Variants in DCLK1 observed in about 807,000 individuals in gnomAD.
DCLK1 encodes the protein doublecortin like kinase 1, also known as serine/threonine-protein kinase DCLK1.
In DCLK1, 16 loss-of-function variants were observed where a neutral mutation model predicts 86.2. That is an observed-to-expected ratio of 0.19 (90% CI 0.13 to 0.28). The LOEUF (loss-of-function observed/expected upper bound fraction) is 0.28, where lower values mean the gene tolerates loss of function less well. Ranked by LOEUF, DCLK1 falls within the 10% of genes least tolerant of loss-of-function variation. The pLI, the probability that DCLK1 is intolerant of heterozygous loss-of-function variation, is 1.00. For missense variants in DCLK1, 590 were observed against 940.2 expected (o/e 0.63, Z 4.87); for synonymous variants, 369 against 370.5 (o/e 1.00, Z 0.05).
chr13:35,958,064 T>A (rs1302270684), intron 3 of DCLK1, among the ~76,000 whole-genome samples: 2 of 6,496 alleles, frequency 3.1e-4, no homozygotes, highest in Non-Finnish European at 2.9e-4. Context: ...CTATAACCAC[T>A]AGCACCACCA....
chr13:35,914,329 AAAAATATATATATATATATACATAT>A lies in DCLK1; in HGVS notation c.823+33004_823+33028del, dbSNP rs1474897701. 7.4e-3 allele frequency among the ~76,000 whole-genome samples: 274 copies of A among 37,148 alleles called. 6 individuals carry two copies. The highest frequency in any genetic ancestry group is 0.032 in the African/African-American group (220 of 6,948). 24.4% of individuals were successfully genotyped at this position (37,148 alleles called of 152,430 possible). A position where few individuals can be genotyped will look rare whatever the true frequency, so the allele number is the denominator to read the frequency against. On this transcript the variant is annotated intron_variant, in intron 4 of 16. Transcript: ENST00000360631. ...GGGGAGACCTTATCTCAGAAAAAAA[AAAAATATATATATATATATACATAT>A]ATATATATATATATGTATATATATA...
At chr13:36,023,029 A>G (rs1424866631) in intron 3 of DCLK1, among the ~76,000 whole-genome samples, 2 of 152,208 alleles carry the variant, frequency 1.3e-5, no homozygotes, top group Non-Finnish European at 2.9e-5. Flanking sequence ...GTTGAGCAGC[A>G]TATAAAAAGG....
In DCLK1 at chr13:36,131,373, GGGCGGCGGC is replaced by G. The variant is rs965603869; in HGVS notation, c.-288_-280del. The G allele has an allele frequency of 6.2e-5, 12 of 195,016 alleles. No homozygotes were observed. In the East Asian group the frequency reaches 1.3e-3, roughly 22 times the overall value. The allele number at this position is 195,016 out of a possible 1,614,324, so 12.1% of individuals were successfully genotyped here. A position where few individuals can be genotyped will look rare whatever the true frequency, so the allele number is the denominator to read the frequency against. ...CACTCCAGCCTCTCTCTCCAGAGGA[GGGCGGCGGC>G]GGCGGCGGCGGCGGGCGCGCTCCCT... On this transcript the variant is annotated 5_prime_UTR_variant, in exon 1 of 17. Coordinates refer to ENST00000360631, the MANE Select transcript of DCLK1 (RefSeq NM_001330071.2).
chr13:35,904,414 A>G lies in DCLK1; in HGVS notation c.824-33074T>C, dbSNP rs140706539. 3.4e-3 allele frequency among the ~76,000 whole-genome samples: 511 copies of G among 152,212 alleles called. 2 individuals are homozygous for G. The highest frequency in any genetic ancestry group is 0.012 in the African/African-American group (484 of 41,528). ...ACCGTGTTGGCCAGGCTGGTCTCGAACTCCTCACCACAGGTGATCTGCTCG... is the reference window on the plus strand; with the variant it reads ...ACCGTGTTGGCCAGGCTGGTCTCGAGCTCCTCACCACAGGTGATCTGCTCG... On this transcript the variant is annotated intron_variant, in intron 4 of 16. Transcript: ENST00000360631.
At chr13:36,076,609 G>A (rs1884223367) in intron 3 of DCLK1, among the ~76,000 whole-genome samples, 1 of 152,146 alleles carries the variant, frequency 6.6e-6, no homozygotes, top group African/African-American at 2.4e-5. Flanking sequence ...AATATAGTAA[G>A]ACCCTAGTCC....
chr13:35,947,761 GC>G, intron 3 of DCLK1, among the ~76,000 whole-genome samples: 1 of 152,304 alleles, frequency 6.6e-6, no homozygotes, highest in Admixed American at 6.5e-5. Context: ...GAGGTGCAGT[GC>G]CCCTTTCCTC....
At chr13:36,040,879 G>C (rs545187244) in intron 3 of DCLK1, among the ~76,000 whole-genome samples, 4 of 152,242 alleles carry the variant, frequency 2.6e-5, no homozygotes, top group Non-Finnish European at 5.9e-5. Flanking sequence ...GCCATTGTGA[G>C]CATTTTAAAT....
intron 3 of DCLK1, among the ~76,000 whole-genome samples, chr13:36,092,074 T>C (rs1884845178): frequency 6.6e-6 from 1 of 152,252 alleles, no homozygotes; most frequent in African/African-American, 2.4e-5. Context: ...CAGCACGTGA[T>C]ACTGTTGTCA....
intron 4 of DCLK1, among the ~76,000 whole-genome samples, chr13:35,935,333 C>G (rs1876696763): frequency 1.3e-5 from 2 of 152,060 alleles, no homozygotes; most frequent in African/African-American, 4.8e-5. Flanking sequence ...CGGGTTCAAA[C>G]ATGGTGTGGA....
At chr13:35,798,876 G>C (rs1312552010) in intron 15 of DCLK1, among the ~76,000 whole-genome samples, 1 of 152,096 alleles carries the variant, frequency 6.6e-6, no homozygotes, top group African/African-American at 2.4e-5. Flanking sequence ...GGAATATCTT[G>C]GGAGATTATC....
chr13:35,845,146 G>T lies in DCLK1; in HGVS notation c.1036-5970C>A, dbSNP rs570059831. Among the ~76,000 whole-genome samples the T allele has an allele frequency of 1.9e-4, 29 of 152,242 alleles. No homozygotes were observed. In the South Asian group the frequency reaches 4.8e-3, roughly 25 times the overall value. ...ACCTGTAATTCTAGCTACTCAGGAG[G>T]CTGGGGCACAAGAACCGCTTGAACC... On this transcript the variant is annotated intron_variant, in intron 6 of 16. Coordinates refer to ENST00000360631, the MANE Select transcript of DCLK1 (RefSeq NM_001330071.2).
chr13:35,952,462 C>T (rs77500078), intron 3 of DCLK1, among the ~76,000 whole-genome samples: 184 of 152,244 alleles, frequency 1.2e-3, no homozygotes, highest in South Asian at 4.6e-3. Context: ...AATGATGCTG[C>T]GAAAAGTCAT....
At chr13:36,096,720 C>A (rs1885032914) in intron 3 of DCLK1, among the ~76,000 whole-genome samples, 1 of 152,130 alleles carries the variant, frequency 6.6e-6, no homozygotes, top group Non-Finnish European at 1.5e-5. Context: ...ATGTTAATAT[C>A]ATGTGAAACC....
At chr13:35,884,540 G>A (rs1873113626) in intron 4 of DCLK1, among the ~76,000 whole-genome samples, 2 of 152,118 alleles carry the variant, frequency 1.3e-5, no homozygotes, top group Non-Finnish European at 2.9e-5. Context: ...GGGAACAAAA[G>A]GAACTAACAA....
chr13:36,081,641 G>C (rs768932385), intron 3 of DCLK1, among the ~76,000 whole-genome samples: 21 of 152,074 alleles, frequency 1.4e-4, no homozygotes, highest in Non-Finnish European at 2.5e-4. Flanking sequence ...GAAAGGACTG[G>C]AAACTGTCAT....
chr13:35,887,023 G>A (rs1378103900), intron 4 of DCLK1, among the ~76,000 whole-genome samples: 1 of 152,178 alleles, frequency 6.6e-6, no homozygotes, highest in Non-Finnish European at 1.5e-5. Context: ...AATCCCAACT[G>A]CCCTAAATGT....
intron 3 of DCLK1, among the ~76,000 whole-genome samples, chr13:36,068,791 A>C (rs1370175432): frequency 2.0e-5 from 3 of 152,208 alleles, no homozygotes; most frequent in African/African-American, 7.2e-5. Flanking sequence ...GTTTCAACAC[A>C]GGGCATTTCA....
At chr13:36,100,259 G>C (rs1366685870) in intron 3 of DCLK1, among the ~76,000 whole-genome samples, 1 of 146,664 alleles carries the variant, frequency 6.8e-6, no homozygotes, top group East Asian at 2.0e-4. Flanking sequence ...GACACCTGCA[G>C]TCCCAGCTAC....
At chr13:35,904,303 C>A (rs1378600272) in intron 4 of DCLK1, among the ~76,000 whole-genome samples, 1 of 152,132 alleles carries the variant, frequency 6.6e-6, no homozygotes, top group African/African-American at 2.4e-5. Context: ...GCAATCTCCG[C>A]CTCCTGGGTT....
Sources: allele counts gnomAD v4.1 joint callset (sites outside exome capture counted in the v4.1 genomes callset), GRCh38; gene constraint gnomAD v4.1.1; transcripts MANE v1.5; gene names NCBI Gene and HGNC (gene_info 2026-07-23, HGNC 2026-07-21).